Variants in GPHN observed in about 807,000 individuals in gnomAD.
GPHN encodes gephyrin.
In GPHN, 17 loss-of-function variants were observed where a neutral mutation model predicts 95.5. The observed-to-expected ratio is 0.18, with a 90% confidence interval of 0.12 to 0.27. The LOEUF is 0.27. Among genes scored for constraint, GPHN ranks in the 10% least tolerant of loss-of-function variants. GPHN has a pLI of 1.00. For missense variants in GPHN, 660 were observed against 978.1 expected (o/e 0.67, Z 4.34); for synonymous variants, 320 against 322.5 (o/e 0.99, Z 0.08).
At chr14:66,664,783 G>A (rs2065852319) in intron 1 of GPHN, among the ~76,000 whole-genome samples, 1 of 151,530 alleles carries the variant, frequency 6.6e-6, no homozygotes, top group African/African-American at 2.4e-5. Flanking sequence ...TGATAAGGTG[G>A]ATATTACGAT....
the GPHN span, chr14:67,569,075 G>T: frequency 4.4e-6 from 5 of 1,137,750 alleles, no homozygotes. Flanking sequence ...TCCTGCACAT[G>T]CCTGGAGGGG....
chr14:66,771,044 A>G (rs1336769414), intron 2 of GPHN, among the ~76,000 whole-genome samples: 3 of 152,166 alleles, frequency 2.0e-5, no homozygotes, highest in African/African-American at 7.2e-5. Context: ...TTCTTTCACC[A>G]TCTTTCACCC....
chr14:67,360,246 T>C, the GPHN span: 2 of 399,480 alleles, frequency 5.0e-6, no homozygotes, highest in Non-Finnish European at 8.8e-6. Context: ...TCGTCCTTGT[T>C]CTCGGAGGAC....
the GPHN span, chr14:67,733,761 C>G: frequency 1.2e-6 from 2 of 1,613,016 alleles, no homozygotes; most frequent in Admixed American, 3.3e-5. Flanking sequence ...GCAAGAGGAC[C>G]TGGGTGTCTC....
intron 1 of GPHN, among the ~76,000 whole-genome samples, chr14:66,573,390 A>G (rs2060774439): frequency 6.6e-6 from 1 of 151,452 alleles, no homozygotes; most frequent in Non-Finnish European, 1.5e-5. Flanking sequence ...TTGGGTGCAT[A>G]TAAACTTACA....
intron 1 of GPHN, among the ~76,000 whole-genome samples, chr14:66,624,410 C>T (rs544437272): frequency 6.6e-6 from 1 of 152,284 alleles, no homozygotes; most frequent in Admixed American, 6.5e-5. Context: ...GTTAAATTGA[C>T]CTTGTGGGTA....
At chr14:66,988,653 G>C (rs947750465) in intron 9 of GPHN, among the ~76,000 whole-genome samples, 1 of 151,932 alleles carries the variant, frequency 6.6e-6, no homozygotes, top group African/African-American at 2.4e-5. Context: ...ATATACCCAA[G>C]ACAACCATTG....
the GPHN span, chr14:67,301,884 G>T: frequency 3.7e-6 from 5 of 1,347,802 alleles, no homozygotes; most frequent in South Asian, 1.7e-5. Context: ...AGATTTAATG[G>T]TCAGAATACT....
chr14:67,209,057 C>A, the GPHN span, among the ~76,000 whole-genome samples: 2 of 152,112 alleles, frequency 1.3e-5, no homozygotes, highest in African/African-American at 2.4e-5. Context: ...GAAATGGTAT[C>A]ATTGCCTCAT....
intron 2 of GPHN, among the ~76,000 whole-genome samples, chr14:66,705,529 G>A (rs915140301): frequency 6.6e-6 from 1 of 152,074 alleles, no homozygotes; most frequent in South Asian, 2.1e-4. Context: ...ATCAATGAAT[G>A]TAACCCATCA....
the GPHN span, among the ~76,000 whole-genome samples, chr14:67,621,981 C>T: frequency 3.9e-5 from 6 of 152,012 alleles, no homozygotes; most frequent in South Asian, 1.2e-3. Context: ...CCTGTAGTCC[C>T]AGCTACTCAG....
the GPHN span, chr14:67,359,605 G>A: frequency 6.2e-7 from 1 of 1,604,554 alleles, no homozygotes; most frequent in South Asian, 1.1e-5. Context: ...TGAAGGGACC[G>A]CGCTCCGGGT....
the GPHN span, chr14:67,578,272 G>C: frequency 7.2e-7 from 1 of 1,379,370 alleles, no homozygotes; most frequent in Non-Finnish European, 1.0e-6. This position sits in a 1 kb window ranked among gnomAD's most constrained non-coding sequence, Gnocchi z 5.0. Context: ...GGTGGGAGGA[G>C]GTGACTGGGC....
chr14:66,561,715 A>C (rs1433585694), intron 1 of GPHN, among the ~76,000 whole-genome samples: 1 of 152,170 alleles, frequency 6.6e-6, no homozygotes, highest in East Asian at 1.9e-4. Context: ...AAAAGTTACT[A>C]TACTTTTAGT....
chr14:66,523,633 T>A (rs769261972), intron 1 of GPHN, among the ~76,000 whole-genome samples: 1 of 152,134 alleles, frequency 6.6e-6, no homozygotes, highest in Non-Finnish European at 1.5e-5. Flanking sequence ...CTTTAGTTTT[T>A]TTCATCTGTC....
chr14:66,531,458 G>T (rs560072426), intron 1 of GPHN, among the ~76,000 whole-genome samples: 1 of 152,218 alleles, frequency 6.6e-6, no homozygotes, highest in South Asian at 2.1e-4. Flanking sequence ...CAAAAAAATT[G>T]TCAATTATGC....
intron 10 of GPHN, among the ~76,000 whole-genome samples, chr14:67,054,993 C>G (rs1037096668): frequency 1.3e-5 from 2 of 152,086 alleles, no homozygotes; most frequent in Admixed American, 1.3e-4. Flanking sequence ...TGTAAAAATC[C>G]TAGAAGAAAA....
intron 2 of GPHN, 58 bp from the exon 3 acceptor site, chr14:66,776,406 T>C: frequency 2.0e-6 from 2 of 1,005,294 alleles, no homozygotes; most frequent in Admixed American, 3.4e-5. Context: ...GCAGAAATCT[T>C]TCATACATTT....
intron 17 of GPHN, 96 bp downstream of exon 17, chr14:67,122,473 T>G: frequency 9.6e-7 from 1 of 1,045,014 alleles, no homozygotes; most frequent in East Asian, 2.5e-5. Context: ...AGACAGAAAT[T>G]TAATGTCATA....
Sources: allele counts gnomAD v4.1 joint callset (sites outside exome capture counted in the v4.1 genomes callset), GRCh38; gene constraint gnomAD v4.1.1; non-coding constraint Gnocchi (gnomAD v3.1); transcripts MANE v1.5; gene names NCBI Gene and HGNC (gene_info 2026-07-23, HGNC 2026-07-21).